Variants in ADCY1 observed in about 807,000 individuals in gnomAD.
The protein encoded by ADCY1 is adenylate cyclase type 1.
A neutral mutation model predicts 105.4 loss-of-function variants in ADCY1; 28 were observed. That is an observed-to-expected ratio of 0.27 (90% CI 0.20 to 0.36). The LOEUF (loss-of-function observed/expected upper bound fraction) is 0.36, where lower values mean the gene tolerates loss of function less well. Among genes scored for constraint, ADCY1 ranks in the 10% least tolerant of loss-of-function variants. The pLI is 1.00. For synonymous variants in ADCY1, 655 were observed against 623.8 expected (o/e 1.05, Z -0.75); for missense variants, 977 against 1,434.2 (o/e 0.68, Z 5.15).
intron 14 of ADCY1, among the ~76,000 whole-genome samples, chr7:45,702,992 C>T (rs1785029296): frequency 6.6e-6 from 1 of 152,212 alleles, no homozygotes; most frequent in Admixed American, 6.5e-5. Context: ...CATTCTAGGA[C>T]AGGTGCCCTG....
rs775138436 is a variant in ADCY1 at position 45,662,093 on chromosome 7, C to T, written c.1484C>T (p.Pro495Leu). The T allele has an allele frequency of 3.7e-6, 6 of 1,614,074 alleles. No homozygotes were observed. Among genetic ancestry groups the T allele is most frequent in the Admixed American group, 1.7e-5 (1 of 60,012 alleles). ...GGCCTGATTCTCTCAGATATAAAAC[C>T]GGCCAAAAGGATGAAGTTCAAGACT... ...FPGLILSDIKPAKRMKFKTVC... is the reference protein window; with the variant it reads ...FPGLILSDIKLAKRMKFKTVC... Residue 495 changes from proline (P) to leucine (L), a missense_variant, in exon 8 of 20, where the codon CCG becomes CTG. Pro to Leu is a moderately conservative substitution (Grantham distance 98, BLOSUM62 -3). Transcript: ENST00000297323.
intron 14 of ADCY1, among the ~76,000 whole-genome samples, chr7:45,694,191 C>A (rs1161239604): frequency 1.3e-5 from 2 of 150,428 alleles, no homozygotes; most frequent in African/African-American, 4.9e-5. Flanking sequence ...TATCCAACAG[C>A]AACAGAATAC....
chr7:45,710,401 G>T lies in ADCY1; in HGVS notation c.2933-127G>T. On this transcript the variant is annotated intron_variant, in intron 18 of 19. Coordinates refer to ENST00000297323, the MANE Select transcript of ADCY1 (RefSeq NM_021116.4). This position sits in a 1 kb window ranked among gnomAD's most constrained non-coding sequence, Gnocchi z 4.7. The stretch of plus-strand genomic sequence containing the variant: ...AGGAGCCTGGTGCTAGGTGACCCCA[G>T]GAAACAAAGCCCTGAAAGGAGCAGC... 3.6e-6 allele frequency: 5 copies of T among 1,394,906 alleles called. No individual in the cohort carries two copies. Among genetic ancestry groups the T allele is most frequent in the Non-Finnish European group, 4.8e-6 (5 of 1,032,130 alleles). 86.4% of individuals were successfully genotyped at this position (1,394,906 alleles called of 1,614,324 possible). A position where few individuals can be genotyped will look rare whatever the true frequency, so the allele number is the denominator to read the frequency against.
Position 45,660,145 on chromosome 7 carries a change from A to G in ADCY1, c.1411A>G (p.Ile471Val), listed in dbSNP as rs1305516249. The change falls in exon 7 of 20, where the codon ATC becomes GTC. Residue 471 changes from isoleucine to valine, a missense_variant. Coordinates refer to ENST00000297323, the MANE Select transcript of ADCY1 (RefSeq NM_021116.4). The part of the protein sequence containing the change: ...ERNSFLKTHN[I>V]ETFFIVPSHR... Reference sequence around the variant, plus strand: ...GAACAGTTTCTTGAAAACTCATAACATCGAAACCTTTTTTATTGTGCCATC... The same window carrying G: ...GAACAGTTTCTTGAAAACTCATAACGTCGAAACCTTTTTTATTGTGCCATC... 3.1e-6 allele frequency: 5 copies of G among 1,614,088 alleles called. No homozygotes were observed. The highest frequency in any genetic ancestry group is 2.2e-5 in the East Asian group (1 of 44,894).
chr7:45,636,738 A>C (rs527314971), intron 4 of ADCY1, among the ~76,000 whole-genome samples: 3 of 152,246 alleles, frequency 2.0e-5, no homozygotes, highest in African/African-American at 7.2e-5. Flanking sequence ...AAGGGTGTTC[A>C]CCATATTGGC....
At chr7:45,580,912 A>G (rs1792516472) in intron 1 of ADCY1, among the ~76,000 whole-genome samples, 1 of 152,046 alleles carries the variant, frequency 6.6e-6, no homozygotes, top group South Asian at 2.1e-4. Context: ...TTTGGGGCTC[A>G]CGGTGGTTTT....
Position 45,713,681 on chromosome 7 carries a change from C to G in ADCY1, c.3058-12C>G. On this transcript the variant is annotated splice_polypyrimidine_tract_variant and intron_variant, in intron 19 of 19. Coordinates refer to ENST00000297323, the MANE Select transcript of ADCY1 (RefSeq NM_021116.4). ...TTGCCCTGAAGTAACACTCACTTCT[C>G]TCCATCAACAGGTGACTGAGGAAGT... 2 of 776,876 alleles carry G rather than the reference C, an allele frequency of 2.6e-6. No individual in the cohort carries two copies. Among genetic ancestry groups the G allele is most frequent in the Non-Finnish European group, 4.8e-6 (2 of 416,076 alleles). The allele number at this position is 776,876 out of a possible 1,614,324, so 48.1% of individuals were successfully genotyped here. A position where few individuals can be genotyped will look rare whatever the true frequency, so the allele number is the denominator to read the frequency against.
In ADCY1 at chr7:45,710,465, G is replaced by A; in HGVS notation, c.2933-63G>A. 2 of 1,577,222 alleles carry A rather than the reference G, an allele frequency of 1.3e-6. No individual in the cohort carries two copies. The highest frequency in any genetic ancestry group is 1.7e-6 in the Non-Finnish European group (2 of 1,159,780). On this transcript the variant is annotated intron_variant, in intron 18 of 19. Transcript: ENST00000297323. The surrounding 1 kb of genome is among the most constrained non-coding windows in gnomAD (Gnocchi z 4.7). The stretch of plus-strand genomic sequence containing the variant: ...GGAGCAGCATCAGGTGCATTTGGTG[G>A]CCCTGGTGGGGTGAGTTACACTTTT...
At chr7:45,674,893 A>G (rs1303937644) in intron 8 of ADCY1, among the ~76,000 whole-genome samples, 5 of 152,168 alleles carry the variant, frequency 3.3e-5, no homozygotes, top group Non-Finnish European at 7.3e-5. Flanking sequence ...TGCATGGTGT[A>G]TAATTTCTAT....
In ADCY1 at chr7:45,686,096, G is replaced by A; in HGVS notation, c.2208G>A (p.Val736=). ...ACCATGCCCTGCTCTGCTGCCTGGT[G>A]GGCACCCTCCCGCTAGCCATATTTT... is the stretch of plus-strand genomic sequence containing the variant. ...STHHALLCCL[V]GTLPLAIFFR... The change falls in exon 13 of 20, where the codon GTG becomes GTA. Residue 736 remains valine (V), a synonymous_variant. Coordinates refer to ENST00000297323, the MANE Select transcript of ADCY1 (RefSeq NM_021116.4). The surrounding 1 kb of genome is among the most constrained non-coding windows in gnomAD (Gnocchi z 4.3). 2 of 1,614,094 alleles carry A rather than the reference G, an allele frequency of 1.2e-6. No individual in the cohort carries two copies. Among genetic ancestry groups the A allele is most frequent in the African/African-American group, 1.3e-5 (1 of 75,032 alleles).
chr7:45,618,432 A>C (rs1267024170), intron 3 of ADCY1, among the ~76,000 whole-genome samples: 1 of 152,238 alleles, frequency 6.6e-6, no homozygotes, highest in Non-Finnish European at 1.5e-5. Context: ...CAACAGAGTG[A>C]ATAGACAACA....
intron 3 of ADCY1, among the ~76,000 whole-genome samples, chr7:45,621,289 C>G (rs1231348172): frequency 6.6e-6 from 1 of 152,156 alleles, no homozygotes; most frequent in Non-Finnish European, 1.5e-5. Context: ...TGGTCTCGAA[C>G]TCGTGGACTC....
intron 5 of ADCY1, among the ~76,000 whole-genome samples, chr7:45,650,108 T>C (rs896363778): frequency 2.6e-5 from 4 of 152,218 alleles, no homozygotes; most frequent in Non-Finnish European, 4.4e-5. Flanking sequence ...ATATATTGTA[T>C]GTTGCATCTC....
At chr7:45,586,403 T>G (rs945948207) in intron 1 of ADCY1, among the ~76,000 whole-genome samples, 2 of 152,200 alleles carry the variant, frequency 1.3e-5, no homozygotes, top group African/African-American at 4.8e-5. Flanking sequence ...CAAATTATTT[T>G]TTAAAAAATT....
At chr7:45,642,758 C>T (rs1287504043) in intron 4 of ADCY1, among the ~76,000 whole-genome samples, 2 of 152,310 alleles carry the variant, frequency 1.3e-5, no homozygotes, top group Middle Eastern at 3.4e-3. Flanking sequence ...GGTCTCCCAT[C>T]CACATTGCAC....
rs1165109206 is a variant in ADCY1 at position 45,708,710 on chromosome 7, A to C, written c.2932+246A>C. Among the ~76,000 whole-genome samples, 1 of 152,216 alleles carries C rather than the reference A, an allele frequency of 6.6e-6. No individual in the cohort carries two copies. The highest frequency in any genetic ancestry group is 1.5e-5 in the Non-Finnish European group (1 of 68,030). ...CTCAGGAAACACATTAGAAATCTTG[A>C]TTGTCCTGGAGACGTTCAGATGCTC... On this transcript the variant is annotated intron_variant, in intron 18 of 19. Coordinates refer to ENST00000297323, the MANE Select transcript of ADCY1 (RefSeq NM_021116.4). The surrounding 1 kb of genome is among the most constrained non-coding windows in gnomAD (Gnocchi z 4.7).
chr7:45,589,580 G>T (rs1792846386), intron 1 of ADCY1, among the ~76,000 whole-genome samples: 2 of 152,168 alleles, frequency 1.3e-5, no homozygotes, highest in African/African-American at 4.8e-5. Flanking sequence ...GAGAGTTCCA[G>T]ACCTTGGGGA....
intron 8 of ADCY1, among the ~76,000 whole-genome samples, chr7:45,670,508 G>C (rs1405934748): frequency 6.6e-6 from 1 of 152,170 alleles, no homozygotes; most frequent in Non-Finnish European, 1.5e-5. Flanking sequence ...ACCGGAAAAT[G>C]GACCTGTGTT....
rs1487749079 is a variant in ADCY1, at chr7:45,592,662, T to A, written c.640-97T>A. 8 of 1,551,732 alleles carry A rather than the reference T, an allele frequency of 5.2e-6. No individual in the cohort carries two copies. In the East Asian group the frequency reaches 1.4e-4, roughly 26 times the overall value. The stretch of plus-strand genomic sequence containing the variant: ...GTGGGTTTGGCCCGGGCGGCGTGGC[T>A]TTTGGAGAGCTCTTGCTATGCTCTC... On this transcript the variant is annotated intron_variant, in intron 1 of 19. Transcript: ENST00000297323.
Sources: allele counts gnomAD v4.1 joint callset (sites outside exome capture counted in the v4.1 genomes callset), GRCh38; gene constraint gnomAD v4.1.1; non-coding constraint Gnocchi (gnomAD v3.1); transcripts MANE v1.5; gene names NCBI Gene and HGNC (gene_info 2026-07-23, HGNC 2026-07-21).